TLK1: variants seen among roughly 807,000 people sequenced by gnomAD.
TLK1 encodes the protein serine/threonine-protein kinase tousled-like 1.
Under a neutral mutation model 105.3 loss-of-function variants are expected in TLK1, and 24 were observed. That is an observed-to-expected ratio of 0.23 (90% CI 0.17 to 0.32). TLK1 has a LOEUF of 0.32. Among genes scored for constraint, TLK1 ranks in the 10% least tolerant of loss-of-function variants. The pLI, the probability that TLK1 is intolerant of heterozygous loss-of-function variation, is 1.00. For synonymous variants in TLK1, 321 were observed against 310.4 expected, an observed-to-expected ratio of 1.03 and a Z score of -0.36; for missense variants, 558 against 910.5, an observed-to-expected ratio of 0.61 and a Z score of 4.98.
At chr2:171,207,168 T>A (rs1232137093) in intron 1 of TLK1, among the ~76,000 whole-genome samples, 1 of 152,182 alleles carries the variant, frequency 6.6e-6, no homozygotes, top group Non-Finnish European at 1.5e-5. Context: ...AGTAGATGAA[T>A]GGATAAATAG....
chr2:170,998,051 TA>T (rs1684153146), intron 18 of TLK1, among the ~76,000 whole-genome samples: 1 of 65,506 alleles, frequency 1.5e-5, no homozygotes, highest in African/African-American at 4.5e-5. Flanking sequence ...TATCTTTATC[TA>T]TCTATCTATC....
intron 3 of TLK1, among the ~76,000 whole-genome samples, chr2:171,072,409 T>C (rs1204162015): frequency 1.3e-5 from 2 of 152,116 alleles, no homozygotes; most frequent in Non-Finnish European, 2.9e-5. Context: ...AGGTCAGAAG[T>C]TCGACCAGCC....
intron 2 of TLK1, among the ~76,000 whole-genome samples, chr2:171,110,862 T>C (rs1690129767): frequency 6.6e-6 from 1 of 152,236 alleles, no homozygotes; most frequent in African/African-American, 2.4e-5. Context: ...TTTTACTAAC[T>C]GATAATTATA....
intron 18 of TLK1, among the ~76,000 whole-genome samples, chr2:171,004,532 T>C (rs1304548769): frequency 6.6e-6 from 1 of 152,152 alleles, no homozygotes; most frequent in Non-Finnish European, 1.5e-5. Flanking sequence ...TGTATCTCCT[T>C]CCAGTACAGC....
At chr2:171,056,255 A>T (rs1237003388) in intron 6 of TLK1, among the ~76,000 whole-genome samples, 9 of 152,116 alleles carry the variant, frequency 5.9e-5, no homozygotes, top group Admixed American at 5.9e-4. Flanking sequence ...TAATTAATTC[A>T]GAAAATCTTT....
intron 3 of TLK1, among the ~76,000 whole-genome samples, chr2:171,063,589 T>G (rs1045043879): frequency 2.0e-5 from 3 of 152,160 alleles, no homozygotes; most frequent in Non-Finnish European, 4.4e-5. Context: ...ATGTTATAAT[T>G]CTGAAACAGT....
chr2:171,059,869 C>G, intron 4 of TLK1: 2 of 899,816 alleles, frequency 2.2e-6, no homozygotes, highest in Non-Finnish European at 3.8e-6. Context: ...AACGCTGCCG[C>G]TGATCTGACA....
At chr2:171,036,597 C>T (rs1187873028) in intron 11 of TLK1, among the ~76,000 whole-genome samples, 2 of 152,170 alleles carry the variant, frequency 1.3e-5, no homozygotes, top group Non-Finnish European at 2.9e-5. Flanking sequence ...GCTTCCACTG[C>T]TTTTTGTTTT....
intron 2 of TLK1, among the ~76,000 whole-genome samples, chr2:171,086,884 A>T (rs747640377): frequency 1.3e-5 from 2 of 152,168 alleles, no homozygotes; most frequent in Non-Finnish European, 2.9e-5. Context: ...GAGAGTCCCA[A>T]ATTCTGCATA....
intron 2 of TLK1, among the ~76,000 whole-genome samples, chr2:171,115,134 C>CATCAT (rs1215227163): frequency 1.3e-5 from 2 of 150,126 alleles, no homozygotes; most frequent in African/African-American, 4.9e-5. Flanking sequence ...TCAAGTACTG[C>CATCAT]ATCATCTTTC....
intron 1 of TLK1, among the ~76,000 whole-genome samples, chr2:171,121,738 G>A (rs1198524724): frequency 6.6e-6 from 1 of 152,164 alleles, no homozygotes; most frequent in African/African-American, 2.4e-5. Context: ...CATGGAAGAT[G>A]AGGGCATGGG....
intron 1 of TLK1, among the ~76,000 whole-genome samples, chr2:171,171,347 C>A (rs2105302383): frequency 6.6e-6 from 1 of 151,742 alleles, no homozygotes; most frequent in East Asian, 1.9e-4. Flanking sequence ...CAGTGAGACC[C>A]TGTCTGGAAA....
At chr2:171,088,811 C>T (rs1689094889) in intron 2 of TLK1, among the ~76,000 whole-genome samples, 1 of 152,184 alleles carries the variant, frequency 6.6e-6, no homozygotes, top group Non-Finnish European at 1.5e-5. Context: ...TTTCACTACC[C>T]ATATATCTTT....
intron 2 of TLK1, among the ~76,000 whole-genome samples, chr2:171,097,961 GGGGAGAGAGA>G (rs1468321870): frequency 1.7e-4 from 26 of 151,658 alleles, no homozygotes; most frequent in African/African-American, 6.1e-4. Flanking sequence ...GGGGTGGGGC[GGGGAGAGAGA>G]GGGAGAGAGA....
chr2:171,024,783 G>A lies in TLK1; in HGVS notation c.1236+3556C>T, dbSNP rs577715517. On this transcript the variant is annotated intron_variant, in intron 12 of 20. Transcript: ENST00000431350. ...TAATGTTCACTCAAAAATGGTGAAA[G>A]CTTCAAAGTCTATAAAAAGTAATAT... 2.0e-5 allele frequency among the ~76,000 whole-genome samples: 3 copies of A among 152,298 alleles called. No homozygotes were observed. In the South Asian group the frequency reaches 6.2e-4, roughly 32 times the overall value.
At position 171,160,460 on chromosome 2, in the gene TLK1, C is replaced by A. The variant is rs374313103; in HGVS notation, c.-32G>T. The A allele has an allele frequency of 4.4e-6, 7 of 1,582,980 alleles. No homozygotes were observed. The highest frequency in any genetic ancestry group is 2.8e-5 in the African/African-American group (2 of 72,292). ...ACTTTCTGGGAACCCGACTCCCCCC[C>A]TGCGACGGCAGCGGCGGCAACGGCA... On this transcript the variant is annotated 5_prime_UTR_variant, in exon 1 of 21. The change creates a new upstream start codon in the 5' untranslated region. Coordinates refer to ENST00000431350, the MANE Select transcript of TLK1 (RefSeq NM_012290.5). This position sits in a 1 kb window ranked among gnomAD's most constrained non-coding sequence, Gnocchi z 4.4.
intron 1 of TLK1, among the ~76,000 whole-genome samples, chr2:171,130,744 T>TA (rs929988307): frequency 6.6e-6 from 1 of 152,124 alleles, no homozygotes; most frequent in African/African-American, 2.4e-5. Flanking sequence ...CAGGCTAGCC[T>TA]ACGTAGGATA....
At chr2:171,052,607 G>A (rs1687294385) in intron 8 of TLK1, among the ~76,000 whole-genome samples, 1 of 152,020 alleles carries the variant, frequency 6.6e-6, no homozygotes, top group African/African-American at 2.4e-5. Context: ...TGGGCAAAAG[G>A]GTCCATACTG....
chr2:171,074,791 CATATTTTAGAAA>C (rs938982176), intron 3 of TLK1, among the ~76,000 whole-genome samples: 2 of 152,050 alleles, frequency 1.3e-5, no homozygotes, highest in Non-Finnish European at 2.9e-5. Context: ...ATCACACTAA[CATATTTTAGAAA>C]ATAATTTAGA....
Sources: gnomAD v4.1 joint callset for allele counts (sites outside exome capture counted in the v4.1 genomes callset) on GRCh38, gnomAD v4.1.1 for gene constraint, Gnocchi (gnomAD v3.1) non-coding constraint, MANE v1.5 for transcripts, NCBI Gene and HGNC (gene_info 2026-07-23, HGNC 2026-07-21) for gene names.